Variants in DCC observed in about 807,000 individuals in gnomAD.
DCC encodes the protein netrin receptor DCC.
DCC carries 58 observed loss-of-function variants against 172.5 expected under a neutral mutation model. That is an observed-to-expected ratio of 0.34 (90% confidence interval 0.27 to 0.42). DCC has a LOEUF of 0.42. DCC is among the 10% of genes least tolerant of loss of function. The pLI, the probability that DCC is intolerant of heterozygous loss-of-function variation, is 1.00. For synonymous variants in DCC, 709 were observed against 644.5 expected (o/e 1.10, Z -1.52); for missense variants, 1,740 against 1,791.0 (o/e 0.97, Z 0.51).
chr18:53,037,767 C>T (rs182436129), intron 5 of DCC, among the ~76,000 whole-genome samples: 178 of 151,986 alleles, frequency 1.2e-3, no homozygotes, highest in African/African-American at 4.2e-3. Flanking sequence ...GGGTTCACAA[C>T]GTGGAGGATG....
intron 1 of DCC, among the ~76,000 whole-genome samples, chr18:52,561,696 A>T (rs958706758): frequency 4.6e-5 from 7 of 152,144 alleles, no homozygotes; most frequent in Non-Finnish European, 8.8e-5. Flanking sequence ...AAAGAACTTC[A>T]TCCTTAGAGC....
chr18:52,813,069 A>G (rs1438012390), intron 2 of DCC, among the ~76,000 whole-genome samples: 1 of 152,212 alleles, frequency 6.6e-6, no homozygotes, highest in East Asian at 1.9e-4. Context: ...TAAGATAGCT[A>G]TGTTTTAAAG....
intron 2 of DCC, among the ~76,000 whole-genome samples, chr18:52,898,233 G>T (rs2039760510): frequency 1.3e-5 from 2 of 152,142 alleles, no homozygotes; most frequent in Admixed American, 1.3e-4. Flanking sequence ...TTTATTAAAT[G>T]AACTTTAATT....
At chr18:53,336,407 A>G (rs1411503887) in intron 14 of DCC, among the ~76,000 whole-genome samples, 1 of 152,186 alleles carries the variant, frequency 6.6e-6, no homozygotes, top group Non-Finnish European at 1.5e-5. Context: ...TTGTATTAAG[A>G]AGTGAGTGGG....
chr18:52,504,075 T>C (rs566762817), intron 1 of DCC, among the ~76,000 whole-genome samples: 26 of 152,142 alleles, frequency 1.7e-4, no homozygotes, highest in Non-Finnish European at 3.4e-4. Flanking sequence ...TTAGAGATAC[T>C]AACCAGGATC....
intron 5 of DCC, among the ~76,000 whole-genome samples, chr18:53,036,413 G>A (rs1007249608): frequency 6.6e-6 from 1 of 151,940 alleles, no homozygotes; most frequent in African/African-American, 2.4e-5. Context: ...AACAAGTGAA[G>A]GAATACAAAA....
chr18:53,471,777 C>T (rs879010993), intron 25 of DCC, among the ~76,000 whole-genome samples: 8 of 152,140 alleles, frequency 5.3e-5, no homozygotes, highest in African/African-American at 1.9e-4. Flanking sequence ...CAACTACCAC[C>T]TTTATAAGCA....
intron 1 of DCC, among the ~76,000 whole-genome samples, chr18:52,618,783 G>A (rs144183611): frequency 1.5e-3 from 224 of 152,076 alleles, no homozygotes; most frequent in South Asian, 4.6e-3. Context: ...TTTCAGAAGC[G>A]CCCCCAGACT....
At chr18:52,981,989 A>T (rs1246172000) in intron 5 of DCC, among the ~76,000 whole-genome samples, 4 of 152,110 alleles carry the variant, frequency 2.6e-5, no homozygotes, top group African/African-American at 9.7e-5. Context: ...AGAGTTAGAG[A>T]TGGGAAATTT....
chr18:53,352,654 G>T (rs1275305777), intron 15 of DCC, among the ~76,000 whole-genome samples: 1 of 152,034 alleles, frequency 6.6e-6, no homozygotes, highest in African/African-American at 2.4e-5. Context: ...CACACACTTG[G>T]AGTTTTCATC....
At position 53,429,054 on chromosome 18, in the gene DCC, T is replaced by TATTTTATATATAA. The variant is rs775486111; in HGVS notation, c.3164-6090_3164-6089insATTTTATATATAA. 1.1e-4 allele frequency among the ~76,000 whole-genome samples: 4 copies of TATTTTATATATAA among 35,166 alleles called. 1 individual carries two copies. Among genetic ancestry groups the TATTTTATATATAA allele is most frequent in the Non-Finnish European group, 2.4e-4 (3 of 12,492 alleles). 23.1% of individuals were successfully genotyped at this position (35,166 alleles called of 152,430 possible). On this transcript the variant is annotated intron_variant, in intron 21 of 28. Transcript: ENST00000442544. ...TAATATATATTTTATATATAATATA[T>TATTTTATATATAA]TATATATTTTATATATAATATATAT...
chr18:53,002,531 T>C (rs182070240), intron 5 of DCC, among the ~76,000 whole-genome samples: 116 of 152,266 alleles, frequency 7.6e-4, no homozygotes, highest in African/African-American at 2.8e-3. Context: ...AATAGACTGA[T>C]GAGTACTATT....
intron 1 of DCC, among the ~76,000 whole-genome samples, chr18:52,594,752 C>G (rs574529025): frequency 1.1e-3 from 164 of 152,254 alleles, no homozygotes; most frequent in Non-Finnish European, 1.4e-3. Context: ...ATGGCAAAAA[C>G]AGGAGCAAGA....
intron 7 of DCC, among the ~76,000 whole-genome samples, chr18:53,096,204 T>A (rs2043085846): frequency 6.6e-6 from 1 of 152,078 alleles, no homozygotes; most frequent in Non-Finnish European, 1.5e-5. Context: ...CCAGGTATGG[T>A]CCTGCAAGTC....
intron 1 of DCC, among the ~76,000 whole-genome samples, chr18:52,570,179 C>T (rs531213490): frequency 2.4e-4 from 37 of 152,122 alleles, no homozygotes; most frequent in Non-Finnish European, 3.8e-4. Context: ...AAATCTCTAA[C>T]GGCCTGACAG....
intron 12 of DCC, among the ~76,000 whole-genome samples, chr18:53,281,980 A>G (rs1460776139): frequency 6.6e-6 from 1 of 152,116 alleles, no homozygotes; most frequent in Non-Finnish European, 1.5e-5. Flanking sequence ...AAACTAAGAC[A>G]AGCACCCTTA....
At chr18:52,627,428 T>C (rs911349294) in intron 1 of DCC, among the ~76,000 whole-genome samples, 2 of 152,212 alleles carry the variant, frequency 1.3e-5, no homozygotes, top group African/African-American at 4.8e-5. Flanking sequence ...TGCCTTCAAG[T>C]TGCAGACAAT....
intron 7 of DCC, among the ~76,000 whole-genome samples, chr18:53,142,154 A>G (rs183027229): frequency 2.1e-3 from 325 of 152,336 alleles, no homozygotes; most frequent in African/African-American, 7.5e-3. Context: ...AATCCAGTGC[A>G]TTACTCCCTA....
intron 5 of DCC, among the ~76,000 whole-genome samples, chr18:53,036,101 A>G (rs2042088809): frequency 6.6e-6 from 1 of 151,920 alleles, no homozygotes; most frequent in Non-Finnish European, 1.5e-5. Flanking sequence ...TCTTTCTTTC[A>G]GATTTATATT....
Sources: gnomAD v4.1 joint callset for allele counts (sites outside exome capture counted in the v4.1 genomes callset) on GRCh38, gnomAD v4.1.1 for gene constraint, MANE v1.5 for transcripts, NCBI Gene and HGNC (gene_info 2026-07-23, HGNC 2026-07-21) for gene names.